UBR4: variants seen among roughly 807,000 people sequenced by gnomAD.
UBR4 encodes the protein ubiquitin protein ligase E3 component n-recognin 4.
In UBR4, 124 loss-of-function variants were observed where a neutral mutation model predicts 575.6. The ratio of observed to expected loss-of-function variants is 0.22; its 90% confidence interval spans 0.19 to 0.25. The LOEUF (loss-of-function observed/expected upper bound fraction) is 0.25, where lower values mean the gene tolerates loss of function less well. Ranked by LOEUF, UBR4 falls within the 10% of genes least tolerant of loss-of-function variation. UBR4 has a pLI of 1.00. For synonymous variants in UBR4, 2,455 were observed against 2,473.7 expected (o/e 0.99, Z 0.22); for missense variants, 4,818 against 6,478.8 (o/e 0.74, Z 8.80).
At position 19,106,951 on chromosome 1, in the gene UBR4, C is replaced by T. The variant is rs751511607; in HGVS notation, c.12121G>A (p.Ala4041Thr). The T allele has an allele frequency of 1.9e-6, 3 of 1,612,244 alleles. No homozygotes were observed. The highest frequency in any genetic ancestry group is 4.5e-5 in the East Asian group (2 of 44,842). Residue 4041 changes from alanine (A) to threonine (T), a missense_variant, in exon 82 of 106, where the codon GCC becomes ACC. Ala to Thr is a moderately conservative substitution (Grantham distance 58). This residue lies in a region of UBR4 where 333 missense variants were observed against 459.2 expected (regional missense o/e 0.73). Coordinates refer to ENST00000375254, the MANE Select transcript of UBR4 (RefSeq NM_020765.3). ...CAGTATGGCTTCACCGTGGTGAGGGCCTCAACGGGGACATCCTGGAGGAGG... is the reference window on the plus strand; with the variant it reads ...CAGTATGGCTTCACCGTGGTGAGGGTCTCAACGGGGACATCCTGGAGGAGG... ...SKKNKDVPVE[A>T]LTTVKPYCNE...
chr1:19,170,928 C>T (rs148085938), intron 25 of UBR4, 45 bp from the exon 26 acceptor site: 3 of 1,613,234 alleles, frequency 1.9e-6, no homozygotes, highest in Middle Eastern at 1.7e-4. Context: ...GATTCTAATC[C>T]CACCAGTTAG....
At chr1:19,169,349 T>C in intron 27 of UBR4, 86 bp downstream of exon 27, 1 of 1,157,222 alleles carries the variant, frequency 8.6e-7, no homozygotes, top group Admixed American at 2.9e-5. Flanking sequence ...TGGTAGCTAG[T>C]TTAAGCCTAA....
At chr1:19,175,091 T>C (rs2090080094) in intron 20 of UBR4, 58 bp from the exon 21 acceptor site, 1 of 1,463,490 alleles carries the variant, frequency 6.8e-7, no homozygotes. Context: ...ATCTGACTAG[T>C]ATGCAATGTA....
At chr1:19,208,575 G>T (rs896951930) in intron 1 of UBR4, among the ~76,000 whole-genome samples, 1 of 150,556 alleles carries the variant, frequency 6.6e-6, no homozygotes, top group South Asian at 2.1e-4. Context: ...TCTTATTAAT[G>T]TCTACAAATA....
At chr1:19,209,461 G>C (rs1237610020) in intron 1 of UBR4, among the ~76,000 whole-genome samples, 1 of 152,218 alleles carries the variant, frequency 6.6e-6, no homozygotes, top group Non-Finnish European at 1.5e-5. Flanking sequence ...TTTAATGCGA[G>C]GGGGATGGGA....
At position 19,150,901 on chromosome 1, in the gene UBR4, T is replaced by C. The variant is rs540500921; in HGVS notation, c.7214-108A>G. ...AAAGAAGTAAATCACGTCAATTTTA[T>C]AGACATAGAGAAACTTTATCTTCTG... On this transcript the variant is annotated intron_variant, in intron 48 of 105. Coordinates refer to ENST00000375254, the MANE Select transcript of UBR4 (RefSeq NM_020765.3). The C allele has an allele frequency of 7.5e-6, 8 of 1,067,430 alleles. No individual in the cohort carries two copies. The East Asian group carries it at 1.2e-4, about 16-fold the overall frequency. 66.1% of individuals were successfully genotyped at this position (1,067,430 alleles called of 1,614,324 possible).
chr1:19,198,374 T>A (rs900174508), intron 5 of UBR4, among the ~76,000 whole-genome samples, 167 bp downstream of exon 5: 2 of 151,864 alleles, frequency 1.3e-5, no homozygotes, highest in African/African-American at 4.8e-5. Context: ...GAAGAAGGAG[T>A]TGGGGTGAAT....
At chr1:19,106,472 G>A in intron 83 of UBR4, 97 bp downstream of exon 83, 1 of 1,399,110 alleles carries the variant, frequency 7.1e-7, no homozygotes, top group Non-Finnish European at 9.5e-7. Context: ...AGAAAGAAGA[G>A]ATGGCAGTGC....
Position 19,118,909 on chromosome 1 carries a change from G to A in UBR4, c.10504C>T (p.His3502Tyr), listed in dbSNP as rs531692535. 5 of 1,614,156 alleles carry A rather than the reference G, an allele frequency of 3.1e-6. No homozygotes were observed. Among genetic ancestry groups the A allele is most frequent in the African/African-American group, 1.3e-5 (1 of 75,046 alleles). ...KAVEILRTQNHILTNHPNSNI... is the reference protein window; with the variant it reads ...KAVEILRTQNYILTNHPNSNI... ...GAGTTGGGGTGGTTGGTAAGAATATGGTTTTGAGTCCGCAGAATCTCCACA... is the reference window on the plus strand; with the variant it reads ...GAGTTGGGGTGGTTGGTAAGAATATAGTTTTGAGTCCGCAGAATCTCCACA... Residue 3502 changes from histidine (H) to tyrosine (Y), a missense_variant, in exon 71 of 106, where the codon CAT becomes TAT. His to Tyr is a moderately conservative substitution (Grantham distance 83). Coordinates refer to ENST00000375254, the MANE Select transcript of UBR4 (RefSeq NM_020765.3).
chr1:19,081,136 C>A (rs958653122), intron 103 of UBR4: 3 of 527,128 alleles, frequency 5.7e-6, no homozygotes, highest in South Asian at 2.9e-5. Context: ...CTCTACCTTT[C>A]TAGTAGCGGA....
In UBR4 at chr1:19,142,861, C is replaced by G. The variant is rs571414139; in HGVS notation, c.8180-1084G>C. Among the ~76,000 whole-genome samples, 72 of 152,236 alleles carry G rather than the reference C, an allele frequency of 4.7e-4. 1 individual carries two copies. The highest frequency in any genetic ancestry group is 9.9e-4 in the Non-Finnish European group (67 of 68,020). On this transcript the variant is annotated intron_variant, in intron 55 of 105. Coordinates refer to ENST00000375254, the MANE Select transcript of UBR4 (RefSeq NM_020765.3). ...AGTACAGGCCGAGCAGTGGCTCGCG[C>G]CTATAATCCTAGCACTTTGGGAGGC...
chr1:19,095,904 A>G (rs1484544289), intron 92 of UBR4: 3 of 408,268 alleles, frequency 7.3e-6, no homozygotes, highest in Non-Finnish European at 1.4e-5. Flanking sequence ...AGCAGTTCCT[A>G]ATGGAAGAGG....
chr1:19,137,909 G>A lies in UBR4; in HGVS notation c.8906+98C>T, dbSNP rs1041719084. 9.6e-6 allele frequency: 12 copies of A among 1,245,614 alleles called. No individual in the cohort carries two copies. The African/African-American group carries it at 1.4e-4, about 14-fold the overall frequency. The allele number at this position is 1,245,614 out of a possible 1,614,324, so 77.2% of individuals were successfully genotyped here. A position where few individuals can be genotyped will look rare whatever the true frequency, so the allele number is the denominator to read the frequency against. On this transcript the variant is annotated intron_variant, in intron 60 of 105. Transcript: ENST00000375254. ...CTTTATATTTCAAAAGAAATATGCT[G>A]TTATCACTACTCTACCTCCTGCAAT...
At chr1:19,174,833 C>T in intron 21 of UBR4, 121 bp downstream of exon 21, 3 of 908,876 alleles carry the variant, frequency 3.3e-6, no homozygotes, top group South Asian at 1.7e-5. Flanking sequence ...AAGCTCAAAT[C>T]GTAACACAGA....
intron 34 of UBR4, among the ~76,000 whole-genome samples, chr1:19,163,278 T>C (rs893028024): frequency 1.3e-5 from 2 of 152,228 alleles, no homozygotes; most frequent in East Asian, 1.9e-4. Context: ...TGCCAGTTCA[T>C]GGGTTGGGCA....
intron 55 of UBR4, 54 bp from the exon 56 acceptor site, chr1:19,141,831 CA>C: frequency 1.3e-6 from 2 of 1,599,640 alleles, no homozygotes; most frequent in Non-Finnish European, 1.7e-6. Flanking sequence ...TCCCTTGGCA[CA>C]TGGTGCCATA....
chr1:19,096,425 C>T, intron 92 of UBR4, 98 bp downstream of exon 92: 4 of 1,529,936 alleles, frequency 2.6e-6, no homozygotes, highest in Non-Finnish European at 3.5e-6. Flanking sequence ...CCATGCTGCC[C>T]TCTAGGGTAA....
chr1:19,174,513 A>G, intron 21 of UBR4, 66 bp from the exon 22 acceptor site: 1 of 1,560,656 alleles, frequency 6.4e-7, no homozygotes, highest in Non-Finnish European at 8.6e-7. Flanking sequence ...CTGCCTATAC[A>G]CTATCACTTA....
intron 25 of UBR4, among the ~76,000 whole-genome samples, chr1:19,172,418 G>A (rs927211803): frequency 4.6e-5 from 7 of 152,080 alleles, no homozygotes; most frequent in African/African-American, 1.7e-4. Context: ...TCAGGAGGCT[G>A]AGGCAGGAGA....
Sources: allele counts gnomAD v4.1 joint callset (sites outside exome capture counted in the v4.1 genomes callset), GRCh38; gene constraint gnomAD v4.1.1; regional missense constraint gnomAD v4.1.1; transcripts MANE v1.5; gene names NCBI Gene and HGNC (gene_info 2026-07-23, HGNC 2026-07-21).